TMC3: variants seen among roughly 807,000 people sequenced by gnomAD.
The protein encoded by TMC3 is transmembrane channel like 3, also known as transmembrane channel-like protein 3.
A neutral mutation model predicts 110.6 loss-of-function variants in TMC3; 98 were observed. The ratio of observed to expected loss-of-function variants is 0.89; its 90% CI spans 0.75 to 1.05. The LOEUF (loss-of-function observed/expected upper bound fraction) is 1.05. Ranked by LOEUF, TMC3 falls within the 50% of genes least tolerant of loss-of-function variation. The probability of loss-of-function intolerance (pLI) is 0.00; values close to 1 mark genes in which losing one functional copy is unlikely to be tolerated. For synonymous variants in TMC3, 489 were observed against 513.1 expected, an observed-to-expected ratio of 0.95 and a Z score of 0.63; for missense variants, 1,319 against 1,373.2, an observed-to-expected ratio of 0.96 and a Z score of 0.62.
intron 8 of TMC3, among the ~76,000 whole-genome samples, chr15:81,356,111 A>G (rs1479770583): frequency 2.6e-5 from 4 of 152,242 alleles, no homozygotes; most frequent in African/African-American, 2.4e-5. Context: ...GTAAAAGCCT[A>G]TATCCCTCAC....
chr15:81,355,675 T>A, intron 9 of TMC3, 50 bp downstream of exon 9: 1 of 1,288,016 alleles, frequency 7.8e-7, no homozygotes, highest in Non-Finnish European at 1.1e-6. Context: ...TGTACCAAAC[T>A]AAAAATAAAA....
rs1356664079 is a variant in TMC3, at chr15:81,355,775, GA to G, written c.892-8del. The G allele has an allele frequency of 6.4e-7, 1 of 1,561,070 alleles. No individual in the cohort carries two copies. Among genetic ancestry groups the G allele is most frequent in the Non-Finnish European group, 8.8e-7 (1 of 1,137,512 alleles). On this transcript the variant is annotated splice_region_variant and splice_polypyrimidine_tract_variant and intron_variant, in intron 8 of 21. Coordinates refer to ENST00000359440, the MANE Select transcript of TMC3 (RefSeq NM_001080532.3). ...GTTCTTCCAATATAGCTTCCTTTAA[GA>G]AAAATACATACAGCAATAAAAGCTT...
chr15:81,335,862 A>G (rs935542858), intron 20 of TMC3: 3 of 152,206 alleles, frequency 2.0e-5, no homozygotes, highest in African/African-American at 7.2e-5. Context: ...ACATGCTTCC[A>G]TTCTCCCTGC....
chr15:81,362,369 G>T (rs1050384366), intron 3 of TMC3, 68 bp from the exon 4 acceptor site: 2 of 1,223,602 alleles, frequency 1.6e-6, no homozygotes, highest in African/African-American at 1.5e-5. Flanking sequence ...GCAGTACTAG[G>T]CACCTAAATG....
intron 2 of TMC3, among the ~76,000 whole-genome samples, chr15:81,371,921 G>A (rs767913305): frequency 1.3e-5 from 2 of 151,984 alleles, no homozygotes; most frequent in East Asian, 1.9e-4. Flanking sequence ...CCTCACCATC[G>A]CTTCAACTTT....
Position 81,331,978 on chromosome 15 carries a change from A to G in TMC3, c.*441T>C, listed in dbSNP as rs1448019586. Reference sequence around the variant, plus strand: ...GTGTAAAACCCCAAGTCAAAGGTCAAACAGTGCACTGGATCTCTCAAGTCG... The same window carrying G: ...GTGTAAAACCCCAAGTCAAAGGTCAGACAGTGCACTGGATCTCTCAAGTCG... On this transcript the variant is annotated 3_prime_UTR_variant, in exon 22 of 22. Transcript: ENST00000359440. 1 of 156,380 alleles carries G rather than the reference A, an allele frequency of 6.4e-6. No individual in the cohort carries two copies. Among genetic ancestry groups the G allele is most frequent in the Non-Finnish European group, 1.4e-5 (1 of 70,852 alleles). The allele number at this position is 156,380 out of a possible 1,614,324, so 9.7% of individuals were successfully genotyped here. A position where few individuals can be genotyped will look rare whatever the true frequency, so the allele number is the denominator to read the frequency against.
chr15:81,351,853 A>G lies in TMC3; in HGVS notation c.936-12T>C, dbSNP rs1432153401. On this transcript the variant is annotated splice_polypyrimidine_tract_variant and intron_variant, in intron 9 of 21. Coordinates refer to ENST00000359440, the MANE Select transcript of TMC3 (RefSeq NM_001080532.3). ...AGATGGTCACTGCCCTGGGGAGAGA[A>G]ACAGGCATGAGAACGGTACACAGGG... The G allele has an allele frequency of 1.2e-6, 2 of 1,611,616 alleles. No individual in the cohort carries two copies. The highest frequency in any genetic ancestry group is 1.7e-5 in the Admixed American group (1 of 59,778).
chr15:81,343,887 C>G lies in TMC3; in HGVS notation c.1647+30G>C, dbSNP rs1441909556. 1.0e-5 allele frequency: 16 copies of G among 1,602,972 alleles called. No individual in the cohort carries two copies. The South Asian group carries it at 1.8e-4, about 18-fold the overall frequency. On this transcript the variant is annotated intron_variant, in intron 14 of 21. Coordinates refer to ENST00000359440, the MANE Select transcript of TMC3 (RefSeq NM_001080532.3). ...GAAAGGATGGATTTGGCCATATAAA[C>G]TTTCCCAACAGACACAGCATTTTAC...
At chr15:81,364,710 A>AT (rs1555429405) in intron 3 of TMC3, among the ~76,000 whole-genome samples, 63 of 97,054 alleles carry the variant, frequency 6.5e-4, no homozygotes, top group African/African-American at 7.7e-4. Flanking sequence ...CAAAAAAAAA[A>AT]AAATAAAAAA....
chr15:81,368,436 G>T (rs1228218950), intron 2 of TMC3, 108 bp from the exon 3 acceptor site: 4 of 765,108 alleles, frequency 5.2e-6, no homozygotes, highest in Non-Finnish European at 9.1e-6. Flanking sequence ...CCTGAAAAAT[G>T]ATACAGCAAA....
intron 13 of TMC3, 140 bp downstream of exon 13, chr15:81,344,626 A>G: frequency 1.1e-6 from 1 of 891,436 alleles, no homozygotes. Context: ...TTTCTTTTTT[A>G]ATTTTGAGGC....
chr15:81,364,251 G>A (rs1177246246), intron 3 of TMC3, among the ~76,000 whole-genome samples: 1 of 152,054 alleles, frequency 6.6e-6, no homozygotes, highest in Non-Finnish European at 1.5e-5. Flanking sequence ...GGCCCAAGAT[G>A]CTCATTCTGG....
Position 81,332,509 on chromosome 15 carries a change from C to T in TMC3, c.3213G>A (p.Pro1071=). The T allele has an allele frequency of 1.2e-6, 2 of 1,613,520 alleles. No individual in the cohort carries two copies. The highest frequency in any genetic ancestry group is 1.6e-4 in the Middle Eastern group (1 of 6,062). Residue 1071 remains proline, a synonymous_variant, in exon 22 of 22, where the codon CCG becomes CCA. Transcript: ENST00000359440. ...TCCTGCTGGGCTGGCCCACGGACCT[C>T]GGGAACCTGCCCTGGCTGTGGGTGA... is the stretch of plus-strand genomic sequence containing the variant. ...LQVTHSQGRF[P]RSVGQPSRRK...
intron 3 of TMC3, among the ~76,000 whole-genome samples, chr15:81,363,230 G>A (rs1305069062): frequency 1.3e-5 from 2 of 149,944 alleles, no homozygotes; most frequent in Non-Finnish European, 1.5e-5. Context: ...CAGCCTGGGG[G>A]ACAGAGTGAG....
chr15:81,332,561 T>TTCTGCTGGTC lies in TMC3; in HGVS notation c.3151_3160dup (p.Asn1054ArgfsTer8). The TTCTGCTGGTC allele has an allele frequency of 6.2e-7, 1 of 1,613,978 alleles. No homozygotes were observed. Among genetic ancestry groups the TTCTGCTGGTC allele is most frequent in the African/African-American group, 1.3e-5 (1 of 75,062 alleles). On this transcript the variant is annotated frameshift_variant, in exon 22 of 22. Transcript: ENST00000359440. LOFTEE classifies it low-confidence loss of function (END_TRUNC). ...CTGCAGGTACTGGTCAGCGCTGCTG[T>TTCTGCTGGTC]TCTGCTGGTCACTGCTGGATGCTGC... is the stretch of plus-strand genomic sequence containing the variant.
In TMC3 at chr15:81,344,031, G is replaced by C. The variant is rs577365800; in HGVS notation, c.1533C>G (p.Leu511=). 2 of 1,610,454 alleles carry C rather than the reference G, an allele frequency of 1.2e-6. No individual in the cohort carries two copies. The highest frequency in any genetic ancestry group is 2.7e-5 in the African/African-American group (2 of 74,994). Residue 511 remains leucine (L), a synonymous_variant, in exon 14 of 22, where the codon CTC becomes CTG. Coordinates refer to ENST00000359440, the MANE Select transcript of TMC3 (RefSeq NM_001080532.3). ...ETYVGQEMLK[L]SIIDMLFTVA... Reference sequence around the variant, plus strand: ...CGGTGAAGAGCATGTCAATGATGGAGAGCTTCAGCATCTCCTGAAACACAG... The same window carrying C: ...CGGTGAAGAGCATGTCAATGATGGACAGCTTCAGCATCTCCTGAAACACAG...
Position 81,356,586 on chromosome 15 carries a change from T to C in TMC3, c.752A>G (p.Lys251Arg), listed in dbSNP as rs745706525. ...ACTGGCAAGACTCGTGCGGGAGTTC[T>C]TAGCCATCCTGCAAAAGAGGAGCAC... ...SFIILLKKMA[K>R]NSRTSLASAS... is the part of the protein sequence containing the mutation. The change falls in exon 8 of 22, where the codon AAG becomes AGG. Residue 251 changes from lysine to arginine, a missense_variant. Transcript: ENST00000359440. The C allele has an allele frequency of 1.9e-6, 3 of 1,587,158 alleles. No individual in the cohort carries two copies. The highest frequency in any genetic ancestry group is 3.6e-5 in the Admixed American group (2 of 55,914).
At chr15:81,352,940 C>T (rs1893982287) in intron 9 of TMC3, among the ~76,000 whole-genome samples, 1 of 148,472 alleles carries the variant, frequency 6.7e-6, no homozygotes, top group African/African-American at 2.6e-5. Context: ...CTGCCTCAGC[C>T]TCCTGAGTAG....
chr15:81,351,395 C>T (rs977502407), intron 10 of TMC3, among the ~76,000 whole-genome samples: 4 of 142,108 alleles, frequency 2.8e-5, no homozygotes, highest in Non-Finnish European at 6.0e-5. Context: ...CGCTGTTGCT[C>T]ACACTGGAGT....
Sources: allele counts gnomAD v4.1 joint callset (sites outside exome capture counted in the v4.1 genomes callset), GRCh38; gene constraint gnomAD v4.1.1; transcripts MANE v1.5; gene names NCBI Gene and HGNC (gene_info 2026-07-23, HGNC 2026-07-21).